Variants in IHO1 observed in about 807,000 individuals in gnomAD.
IHO1 encodes the protein interactor of HORMAD1 1.
Under a neutral mutation model 31.0 loss-of-function variants are expected in IHO1, and 13 were observed. That is an observed-to-expected ratio of 0.42 (90% CI 0.27 to 0.67). The LOEUF is 0.67. Ranked by LOEUF, IHO1 falls within the 30% of genes least tolerant of loss-of-function variation. The pLI, the probability that IHO1 is intolerant of heterozygous loss-of-function variation, is 0.24. For synonymous variants in IHO1, 221 were observed against 248.4 expected (o/e 0.89, Z 1.04); for missense variants, 599 against 687.5 (o/e 0.87, Z 1.44).
intron 6 of IHO1, among the ~76,000 whole-genome samples, chr3:49,252,863 T>G (rs1434909234): frequency 6.6e-6 from 1 of 151,526 alleles, no homozygotes. Context: ...GCCAACATGG[T>G]GGACCCTGTC....
At chr3:49,254,478 C>G (rs567814598) in intron 6 of IHO1, among the ~76,000 whole-genome samples, 3 of 151,988 alleles carry the variant, frequency 2.0e-5, no homozygotes, top group South Asian at 4.2e-4. Flanking sequence ...GAAGCAACAC[C>G]CTAGCCGAGT....
Position 49,257,593 on chromosome 3 carries a change from C to A in IHO1, c.*311C>A. On this transcript the variant is annotated 3_prime_UTR_variant, in exon 8 of 8. Coordinates refer to ENST00000452691, the MANE Select transcript of IHO1 (RefSeq NM_001135197.2). Reference sequence around the variant, plus strand: ...TGTACTTTGGCGAAAGGCAGGCAGGCCTCCTTATGGAATACTGTGTAGCAG... The same window carrying A: ...TGTACTTTGGCGAAAGGCAGGCAGGACTCCTTATGGAATACTGTGTAGCAG... The A allele has an allele frequency of 3.3e-6, 1 of 307,106 alleles. No individual in the cohort carries two copies. Among genetic ancestry groups the A allele is most frequent in the Non-Finnish European group, 6.1e-6 (1 of 162,730 alleles). 19.0% of individuals were successfully genotyped at this position (307,106 alleles called of 1,614,324 possible). A position where few individuals can be genotyped will look rare whatever the true frequency, so the allele number is the denominator to read the frequency against.
At chr3:49,241,766 G>T (rs1345689499) in intron 4 of IHO1, among the ~76,000 whole-genome samples, 1 of 151,850 alleles carries the variant, frequency 6.6e-6, no homozygotes, top group Non-Finnish European at 1.5e-5. Flanking sequence ...GACTACAGGC[G>T]CCTGCCACCA....
At chr3:49,195,106 T>A (rs116816776), upstream of IHO1, among the ~76,000 whole-genome samples, 1,798 of 151,942 alleles carry the variant, frequency 0.012, 36 homozygotes, top group African/African-American at 0.041. Flanking sequence ...TAAATAATTT[T>A]AAAAATGTAA....
chr3:49,225,676 A>G (rs987085905), intron 2 of IHO1, among the ~76,000 whole-genome samples: 6 of 152,218 alleles, frequency 3.9e-5, no homozygotes, highest in Non-Finnish European at 8.8e-5. Context: ...AGGCACAACA[A>G]GAAAGACATG....
At chr3:49,211,046 C>T (rs1467506678) in intron 1 of IHO1, among the ~76,000 whole-genome samples, 1 of 135,554 alleles carries the variant, frequency 7.4e-6, no homozygotes, top group Non-Finnish European at 1.5e-5. Flanking sequence ...CTCGCTCTGT[C>T]GCCCAGGCTG....
intron 2 of IHO1, among the ~76,000 whole-genome samples, chr3:49,228,679 G>A (rs1308665150): frequency 6.6e-6 from 1 of 152,138 alleles, no homozygotes; most frequent in Non-Finnish European, 1.5e-5. Flanking sequence ...AGATGTCTCT[G>A]GAGTTTCTTC....
At chr3:49,210,589 G>C (rs1170632750) in intron 1 of IHO1, among the ~76,000 whole-genome samples, 1 of 151,952 alleles carries the variant, frequency 6.6e-6, no homozygotes, top group African/African-American at 2.4e-5. Flanking sequence ...AGTAGAGACA[G>C]GGTTTCTTCA....
chr3:49,243,574 C>T (rs1575584711), intron 4 of IHO1, among the ~76,000 whole-genome samples: 1 of 151,308 alleles, frequency 6.6e-6, no homozygotes, highest in South Asian at 2.1e-4. Context: ...CTTGCTAACA[C>T]GATGAAACCC....
chr3:49,237,887 C>CTTTTTTTTTTTTTTTTTTT (rs574951773), intron 3 of IHO1, among the ~76,000 whole-genome samples: 1 of 51,414 alleles, frequency 1.9e-5, no homozygotes, highest in Non-Finnish European at 3.3e-5. Context: ...CTGTCTTTTC[C>CTTTTTTTTTTTTTTTTTTT]TTTTTTTTTT....
At chr3:49,211,362 T>C (rs1559438434) in intron 1 of IHO1, among the ~76,000 whole-genome samples, 5 of 152,208 alleles carry the variant, frequency 3.3e-5, no homozygotes, top group African/African-American at 1.2e-4. Context: ...TTTCCTCATA[T>C]AGATATTGTA....
chr3:49,194,890 C>T (rs1428702637), upstream of IHO1, among the ~76,000 whole-genome samples: 4 of 151,508 alleles, frequency 2.6e-5, no homozygotes, highest in East Asian at 2.0e-4. Context: ...AATGAGACCC[C>T]GTCTCAAATA....
At chr3:49,194,234 C>T (rs2045983337), upstream of IHO1, among the ~76,000 whole-genome samples, 1 of 144,930 alleles carries the variant, frequency 6.9e-6, no homozygotes, top group African/African-American at 2.6e-5. Context: ...TGCCATTACA[C>T]TCCAGTCTAG....
At chr3:49,222,090 A>T (rs1202880988) in intron 2 of IHO1, among the ~76,000 whole-genome samples, 1 of 152,170 alleles carries the variant, frequency 6.6e-6, no homozygotes, top group Non-Finnish European at 1.5e-5. Context: ...GTAAGGATAG[A>T]TTTCGTCATT....
At chr3:49,238,948 A>T (rs2046592614) in intron 3 of IHO1, among the ~76,000 whole-genome samples, 1 of 152,132 alleles carries the variant, frequency 6.6e-6, no homozygotes, top group African/African-American at 2.4e-5. Context: ...GCCCTGCCAG[A>T]GCTCTGCTGC....
chr3:49,254,767 T>C (rs111249678), intron 6 of IHO1, among the ~76,000 whole-genome samples: 18 of 151,880 alleles, frequency 1.2e-4, no homozygotes, highest in Non-Finnish European at 1.5e-5. Flanking sequence ...TGGGGTGCCA[T>C]CGAAAGTTTC....
chr3:49,237,639 A>G (rs1000745799), intron 3 of IHO1, among the ~76,000 whole-genome samples: 2 of 151,666 alleles, frequency 1.3e-5, no homozygotes, highest in Non-Finnish European at 3.0e-5. Context: ...TAGTCATACT[A>G]TTGTTTGTGA....
chr3:49,235,360 G>T (rs2046545619), intron 2 of IHO1, among the ~76,000 whole-genome samples: 1 of 150,940 alleles, frequency 6.6e-6, no homozygotes. Context: ...CCAAGTAGCT[G>T]GGATTACAGG....
intron 2 of IHO1, among the ~76,000 whole-genome samples, chr3:49,225,787 A>C (rs1264888128): frequency 6.6e-6 from 1 of 152,216 alleles, no homozygotes; most frequent in African/African-American, 2.4e-5. Context: ...CCTTGAGGAC[A>C]GTCGCCCGGG....
Sources: gnomAD v4.1 joint callset for allele counts (sites outside exome capture counted in the v4.1 genomes callset) on GRCh38, gnomAD v4.1.1 for gene constraint, MANE v1.5 for transcripts, NCBI Gene and HGNC (gene_info 2026-07-23, HGNC 2026-07-21) for gene names.